SOX6: variants seen among roughly 807,000 people sequenced by gnomAD.
The protein encoded by SOX6 is transcription factor SOX-6.
A neutral mutation model predicts 97.8 loss-of-function variants in SOX6; 11 were observed. The observed-to-expected ratio is 0.11, with a 90% CI of 0.07 to 0.19. The LOEUF is 0.19. SOX6 is among the 10% of genes least tolerant of loss of function. The pLI, the probability that SOX6 is intolerant of heterozygous loss-of-function variation, is 1.00. For missense variants in SOX6, 810 were observed against 1,039.5 expected (o/e 0.78, Z 3.04); for synonymous variants, 360 against 371.4 (o/e 0.97, Z 0.35).
intron 2 of SOX6, among the ~76,000 whole-genome samples, chr11:16,730,200 T>A (rs1351661962): frequency 6.6e-6 from 1 of 151,900 alleles, no homozygotes; most frequent in Admixed American, 6.6e-5. Flanking sequence ...GACAGAAAAT[T>A]AACAAGGATA....
intron 1 of SOX6, among the ~76,000 whole-genome samples, chr11:16,737,672 C>T (rs1848403127): frequency 1.3e-5 from 2 of 152,066 alleles, no homozygotes; most frequent in South Asian, 2.1e-4. Context: ...CAATAAATAG[C>T]TTTAAATGCA....
chr11:16,097,793 T>A, intron 7 of SOX6, 105 bp from the exon 8 acceptor site: 1 of 1,057,924 alleles, frequency 9.5e-7, no homozygotes, highest in Non-Finnish European at 1.5e-6. Context: ...AACATTGCTC[T>A]AAGCCCAAAC....
intron 4 of SOX6, among the ~76,000 whole-genome samples, chr11:16,227,172 A>G (rs1441637796): frequency 6.6e-6 from 1 of 152,212 alleles, no homozygotes; most frequent in Non-Finnish European, 1.5e-5. Flanking sequence ...ATGTCTTACA[A>G]AAGTTACTTA....
At chr11:16,704,636 G>A (rs1189732578) in intron 3 of SOX6, among the ~76,000 whole-genome samples, 1 of 152,150 alleles carries the variant, frequency 6.6e-6, no homozygotes, top group Non-Finnish European at 1.5e-5. Context: ...TAATTACACA[G>A]GCAACAAGTT....
chr11:16,518,570 C>T (rs553404370), intron 4 of SOX6, among the ~76,000 whole-genome samples: 3 of 152,258 alleles, frequency 2.0e-5, no homozygotes, highest in Non-Finnish European at 2.9e-5. Flanking sequence ...TAGAAGAGTT[C>T]TCTGAATATC....
chr11:16,343,104 T>C (rs1169196758), intron 1 of SOX6, among the ~76,000 whole-genome samples: 1 of 151,574 alleles, frequency 6.6e-6, no homozygotes, highest in Non-Finnish European at 1.5e-5. Context: ...AATGGATGCT[T>C]CTTAGTATAA....
At chr11:16,703,620 C>A (rs1215711387) in intron 3 of SOX6, among the ~76,000 whole-genome samples, 1 of 152,112 alleles carries the variant, frequency 6.6e-6, no homozygotes, top group Non-Finnish European at 1.5e-5. Flanking sequence ...ATATACCTGG[C>A]TTTTACCCCT....
At chr11:16,085,470 T>C (rs752665698) in intron 9 of SOX6, among the ~76,000 whole-genome samples, 1 of 152,192 alleles carries the variant, frequency 6.6e-6, no homozygotes, top group Non-Finnish European at 1.5e-5. Context: ...GAGCATTAAA[T>C]GGCCCATTGA....
At chr11:16,191,825 A>G (rs1851638396) in intron 4 of SOX6, among the ~76,000 whole-genome samples, 1 of 151,648 alleles carries the variant, frequency 6.6e-6, no homozygotes, top group Non-Finnish European at 1.5e-5. Flanking sequence ...CTCCAACTCC[A>G]AAGACAGTGC....
At chr11:16,433,654 C>T (rs1424225851) in intron 1 of SOX6, among the ~76,000 whole-genome samples, 1 of 151,884 alleles carries the variant, frequency 6.6e-6, no homozygotes, top group Non-Finnish European at 1.5e-5. Flanking sequence ...CTATTTAACC[C>T]ATCCCTCAAA....
intron 4 of SOX6, among the ~76,000 whole-genome samples, chr11:16,565,565 C>G (rs1847860822): frequency 6.6e-6 from 1 of 151,550 alleles, no homozygotes; most frequent in Non-Finnish European, 1.5e-5. Context: ...CAAGTATCCA[C>G]AGTAACCCCA....
intron 1 of SOX6, among the ~76,000 whole-genome samples, chr11:16,474,568 C>T (rs1020235725): frequency 2.0e-5 from 3 of 152,180 alleles, no homozygotes; most frequent in East Asian, 1.9e-4. Flanking sequence ...TGAGAAATAA[C>T]ATCTCTAAGG....
intron 15 of SOX6, among the ~76,000 whole-genome samples, chr11:15,977,577 C>T (rs1853524767): frequency 6.6e-6 from 1 of 151,846 alleles, no homozygotes; most frequent in Non-Finnish European, 1.5e-5. Context: ...TACTCACTCC[C>T]TTGCAGACAC....
At chr11:16,700,487 C>T (rs1848084610) in intron 3 of SOX6, among the ~76,000 whole-genome samples, 1 of 152,164 alleles carries the variant, frequency 6.6e-6, no homozygotes, top group Non-Finnish European at 1.5e-5. Flanking sequence ...TTGCCCCATC[C>T]CCAGACTCAT....
At chr11:16,512,200 G>A (rs1860891970) in intron 4 of SOX6, among the ~76,000 whole-genome samples, 1 of 152,144 alleles carries the variant, frequency 6.6e-6, no homozygotes, top group Admixed American at 6.5e-5. Flanking sequence ...CCCAAATTGT[G>A]TATCAAGGCA....
At chr11:16,686,386 T>C (rs1847969600) in intron 3 of SOX6, among the ~76,000 whole-genome samples, 1 of 152,194 alleles carries the variant, frequency 6.6e-6, no homozygotes, top group Admixed American at 6.5e-5. Flanking sequence ...GGCCACATCT[T>C]CAACACACTG....
chr11:16,458,366 G>A (rs1313771006), intron 1 of SOX6, among the ~76,000 whole-genome samples: 3 of 152,084 alleles, frequency 2.0e-5, no homozygotes, highest in East Asian at 1.9e-4. Flanking sequence ...TGCAATAAAA[G>A]TATGCTAACC....
chr11:16,699,970 C>T (rs1848081058), intron 3 of SOX6, among the ~76,000 whole-genome samples: 1 of 151,988 alleles, frequency 6.6e-6, no homozygotes, highest in East Asian at 1.9e-4. Context: ...TGAGCAAAAA[C>T]AGGCTCAGTT....
At chr11:16,072,123 A>G (rs1007259329) in intron 9 of SOX6, among the ~76,000 whole-genome samples, 1 of 152,184 alleles carries the variant, frequency 6.6e-6, no homozygotes, top group African/African-American at 2.4e-5. Flanking sequence ...TTCATTTCTG[A>G]CTTCTATATG....
Sources: allele counts gnomAD v4.1 joint callset (sites outside exome capture counted in the v4.1 genomes callset), GRCh38; gene constraint gnomAD v4.1.1; transcripts MANE v1.5; gene names NCBI Gene and HGNC (gene_info 2026-07-23, HGNC 2026-07-21).